TDRD5: variants seen among roughly 807,000 people sequenced by gnomAD.
TDRD5 encodes tudor domain containing 5, also known as tudor domain-containing protein 5.
TDRD5 carries 41 observed loss-of-function variants against 120.6 expected under a neutral mutation model. The observed-to-expected ratio is 0.34, with a 90% CI of 0.26 to 0.44. The LOEUF (loss-of-function observed/expected upper bound fraction) is 0.44. TDRD5 is among the 20% of genes least tolerant of loss of function. TDRD5 has a pLI of 1.00. For missense variants in TDRD5, 1,006 were observed against 1,221.2 expected (o/e 0.82, Z 2.63); for synonymous variants, 430 against 433.7 (o/e 0.99, Z 0.11).
intron 1 of TDRD5, 190 bp from the exon 2 acceptor site, chr1:179,592,412 C>T (rs1333267796): frequency 3.6e-6 from 2 of 548,608 alleles, no homozygotes; most frequent in Non-Finnish European, 6.5e-6. Flanking sequence ...GTAGCTTAAT[C>T]AACGCAGGTG....
At chr1:179,618,899 C>T (rs1223639700) in intron 5 of TDRD5, among the ~76,000 whole-genome samples, 1 of 152,106 alleles carries the variant, frequency 6.6e-6, no homozygotes, top group Non-Finnish European at 1.5e-5. Flanking sequence ...TCCATAAGTT[C>T]TCTCTTCCTT....
chr1:179,623,964 T>C (rs1676981689), intron 6 of TDRD5, among the ~76,000 whole-genome samples: 1 of 152,106 alleles, frequency 6.6e-6, no homozygotes, highest in African/African-American at 2.4e-5. Context: ...ATAAATACAT[T>C]GTCCTGCTAC....
chr1:179,685,401 A>G (rs945510789), intron 17 of TDRD5, among the ~76,000 whole-genome samples: 1 of 152,106 alleles, frequency 6.6e-6, no homozygotes, highest in Non-Finnish European at 1.5e-5. Flanking sequence ...CCATTGGTCT[A>G]TATCTCTGTT....
intron 14 of TDRD5, among the ~76,000 whole-genome samples, chr1:179,654,993 A>T (rs1678924648): frequency 6.6e-6 from 1 of 152,100 alleles, no homozygotes; most frequent in African/African-American, 2.4e-5. Context: ...TTTTTGGAGG[A>T]TGTATTTTTA....
At chr1:179,681,813 C>A (rs1680435419) in intron 17 of TDRD5, among the ~76,000 whole-genome samples, 1 of 149,246 alleles carries the variant, frequency 6.7e-6, no homozygotes, top group South Asian at 2.2e-4. Flanking sequence ...GGATGTTGTT[C>A]TGTTGCTCAC....
chr1:179,676,588 A>G lies in TDRD5; in HGVS notation c.2860+7184A>G, dbSNP rs1354406495. On this transcript the variant is annotated intron_variant, in intron 17 of 17. Transcript: ENST00000444136. ...AGCATTTGTTTGTTTGGAAAAGACTATCTTTCCTTCATTTATGAAGCTTAG... is the reference window on the plus strand; with the variant it reads ...AGCATTTGTTTGTTTGGAAAAGACTGTCTTTCCTTCATTTATGAAGCTTAG... Among the ~76,000 whole-genome samples, 3 of 152,302 alleles carry G rather than the reference A, an allele frequency of 2.0e-5. No individual in the cohort carries two copies. The East Asian group carries it at 5.8e-4, about 29-fold the overall frequency.
chr1:179,673,342 A>G (rs1034534134), intron 17 of TDRD5, among the ~76,000 whole-genome samples: 3 of 152,044 alleles, frequency 2.0e-5, no homozygotes, highest in Non-Finnish European at 4.4e-5. Context: ...TAAGTATTCT[A>G]TTTTTATTGC....
chr1:179,603,025 C>T lies in TDRD5; in HGVS notation c.831+7207C>T, dbSNP rs566447403. The stretch of plus-strand genomic sequence containing the variant: ...CATCCATGAGCATGGGATGTGTTTC[C>T]ATTTGTTTGTTTCATCTATAATTTC... On this transcript the variant is annotated intron_variant, in intron 4 of 17. Transcript: ENST00000444136. 1.5e-3 allele frequency among the ~76,000 whole-genome samples: 229 copies of T among 152,136 alleles called. 2 individuals are homozygous for T. The highest frequency in any genetic ancestry group is 5.3e-3 in the African/African-American group (221 of 41,500).
At chr1:179,618,883 A>C (rs907737723) in intron 5 of TDRD5, among the ~76,000 whole-genome samples, 1 of 152,148 alleles carries the variant, frequency 6.6e-6, no homozygotes, top group African/African-American at 2.4e-5. Flanking sequence ...TTAGTAAATA[A>C]GTTCTTCCAT....
At chr1:179,656,460 T>C (rs1679013437) in intron 14 of TDRD5, among the ~76,000 whole-genome samples, 1 of 152,232 alleles carries the variant, frequency 6.6e-6, no homozygotes, top group Non-Finnish European at 1.5e-5. Flanking sequence ...ACTTGTTTTC[T>C]ATTATGGACA....
At chr1:179,614,758 A>C (rs1676476372) in intron 4 of TDRD5, among the ~76,000 whole-genome samples, 1 of 151,974 alleles carries the variant, frequency 6.6e-6, no homozygotes, top group African/African-American at 2.4e-5. Context: ...GGGGTTTAAA[A>C]ATATTTTTAA....
chr1:179,659,492 C>CT (rs1558413144), intron 14 of TDRD5, among the ~76,000 whole-genome samples: 1 of 150,568 alleles, frequency 6.6e-6, no homozygotes, highest in Admixed American at 6.6e-5. Flanking sequence ...TTCACAATTA[C>CT]TTTTTTTGCA....
At chr1:179,633,303 G>A (rs1677562937) in intron 7 of TDRD5, among the ~76,000 whole-genome samples, 1 of 151,432 alleles carries the variant, frequency 6.6e-6, no homozygotes, top group South Asian at 2.1e-4. Context: ...ACATCTTTGT[G>A]TACTTATGAC....
chr1:179,612,986 C>G (rs35097492), intron 4 of TDRD5, among the ~76,000 whole-genome samples: 2 of 151,524 alleles, frequency 1.3e-5, no homozygotes, highest in African/African-American at 4.8e-5. Flanking sequence ...TTCCCTGCCC[C>G]CTCTGTCTTA....
chr1:179,664,820 G>A (rs1679483054), intron 16 of TDRD5, among the ~76,000 whole-genome samples: 2 of 152,076 alleles, frequency 1.3e-5, no homozygotes, highest in Admixed American at 1.3e-4. Context: ...AACTAGGAGT[G>A]GAGTTTCTGG....
At chr1:179,603,637 G>A (rs761628466) in intron 4 of TDRD5, among the ~76,000 whole-genome samples, 9 of 152,156 alleles carry the variant, frequency 5.9e-5, no homozygotes, top group Non-Finnish European at 1.3e-4. Flanking sequence ...AGTTGATCAT[G>A]TGATTTTTGT....
chr1:179,686,939 CTTTA>C (rs1680753506), intron 17 of TDRD5, among the ~76,000 whole-genome samples: 1 of 151,226 alleles, frequency 6.6e-6, no homozygotes, highest in South Asian at 2.1e-4. Context: ...CTCTTTTGTT[CTTTA>C]TTAGTCTTGC....
At chr1:179,594,650 A>G (rs1372559106) in intron 3 of TDRD5, among the ~76,000 whole-genome samples, 1 of 152,266 alleles carries the variant, frequency 6.6e-6, no homozygotes, top group Non-Finnish European at 1.5e-5. Flanking sequence ...GGAGAATTCT[A>G]TGCTTATTTC....
At position 179,595,733 on chromosome 1, in the gene TDRD5, C is replaced by A; in HGVS notation, c.746C>A (p.Pro249Gln). The A allele has an allele frequency of 6.2e-7, 1 of 1,613,692 alleles. No homozygotes were observed. The highest frequency in any genetic ancestry group is 8.5e-7 in the Non-Finnish European group (1 of 1,179,780). ...CAACCCACTTCAAACATGGAACCAC[C>A]GAAGCAAATAATGAGCATGGAAAAG... ...FSQPTSNMEP[P>Q]KQIMSMEKTS... is the part of the protein sequence containing the mutation. The change falls in exon 4 of 18, where the codon CCG becomes CAG. Residue 249 changes from proline (P) to glutamine (Q), a missense_variant. Physicochemically the swap from Pro to Gln is moderately conservative, Grantham distance 76. Coordinates refer to ENST00000444136, the MANE Select transcript of TDRD5 (RefSeq NM_001199085.3).
Sources: gnomAD v4.1 joint callset for allele counts (sites outside exome capture counted in the v4.1 genomes callset) on GRCh38, gnomAD v4.1.1 for gene constraint, MANE v1.5 for transcripts, NCBI Gene and HGNC (gene_info 2026-07-23, HGNC 2026-07-21) for gene names.